PCDH19: variants seen among roughly 807,000 people sequenced by gnomAD.
PCDH19 encodes protocadherin 19.
A neutral mutation model predicts 46.2 loss-of-function variants in PCDH19; 6 were observed. The ratio of observed to expected loss-of-function variants is 0.13; its 90% CI spans 0.07 to 0.26. The LOEUF is 0.26. Among genes scored for constraint, PCDH19 ranks in the 10% least tolerant of loss-of-function variants. The pLI is 1.00. For missense variants in PCDH19, 740 were observed against 972.3 expected (o/e 0.76, Z 3.18); for synonymous variants, 481 against 415.7 (o/e 1.16, Z -1.91).
chrX:100,379,380 T>C (rs1382163244), intron 3 of PCDH19, among the ~76,000 whole-genome samples: 2 of 109,562 alleles, frequency 1.8e-5, no homozygotes, highest in East Asian at 5.9e-4. Flanking sequence ...ACACAACTTC[T>C]TTCCCTTTAT....
chrX:100,351,024 A>G (rs1926555986), intron 3 of PCDH19, among the ~76,000 whole-genome samples: 1 of 112,938 alleles, frequency 8.9e-6, no homozygotes, highest in South Asian at 3.6e-4. Context: ...CCCATTCCCC[A>G]GTGGAGACAA....
chrX:100,304,336 C>T (rs1924874794), intron 5 of PCDH19, among the ~76,000 whole-genome samples: 1 of 111,122 alleles, frequency 9.0e-6, no homozygotes. Flanking sequence ...CACTGCAGTT[C>T]GGCTCTCAGG....
At chrX:100,350,399 T>C (rs1044767668) in intron 4 of PCDH19, among the ~76,000 whole-genome samples, 8 of 111,944 alleles carry the variant, frequency 7.1e-5, no homozygotes, top group Non-Finnish European at 1.5e-4. Context: ...TGTTGAGTGT[T>C]TATACGTACA....
At chrX:100,326,828 T>C (rs764186558) in intron 5 of PCDH19, among the ~76,000 whole-genome samples, 1 of 111,714 alleles carries the variant, frequency 9.0e-6, no homozygotes, top group South Asian at 3.8e-4. Flanking sequence ...TTACTTTCTT[T>C]GGACACCAAT....
At chrX:100,371,181 TA>T (rs1218417531) in intron 3 of PCDH19, among the ~76,000 whole-genome samples, 1 of 111,704 alleles carries the variant, frequency 9.0e-6, no homozygotes, top group Non-Finnish European at 1.9e-5. Flanking sequence ...TGTGGCTTTG[TA>T]ATCATGTCAT....
rs909453682 is a variant in PCDH19 at position 100,305,679 on chromosome X, C to T, written c.2849-8804G>A. Among the ~76,000 whole-genome samples, 14 of 111,638 alleles carry T rather than the reference C, an allele frequency of 1.3e-4. 1 individual carries two copies. Among genetic ancestry groups the T allele is most frequent in the African/African-American group, 3.9e-4 (12 of 30,696 alleles). ...TTTCTGCTGTCTTCAGGAGACTCAA[C>T]TAACACATAGGAACTCACATAAACT... On this transcript the variant is annotated intron_variant, in intron 5 of 5. Transcript: ENST00000373034.
rs761277974 is a variant in PCDH19 at position 100,407,830 on chromosome X, G to C, written c.768C>G (p.Pro256=). The change falls in exon 1 of 6, where the codon CCC becomes CCG. Residue 256 remains proline, a synonymous_variant. Transcript: ENST00000373034. The part of the protein sequence containing the change: ...SVPENSPPNT[P]VIRLNASDPD... Reference sequence around the variant, plus strand: ...GATCGCTGGCGTTGAGGCGGATGACGGGTGTGTTGGGAGGCGAGTTTTCTG... The same window carrying C: ...GATCGCTGGCGTTGAGGCGGATGACCGGTGTGTTGGGAGGCGAGTTTTCTG... The C allele has an allele frequency of 1.6e-6, 2 of 1,212,259 alleles. No homozygotes were observed. The highest frequency in any genetic ancestry group is 1.8e-5 in the South Asian group (1 of 57,037).
intron 5 of PCDH19, among the ~76,000 whole-genome samples, chrX:100,297,988 C>CAT (rs111708930): frequency 1.6e-4 from 18 of 110,014 alleles, no homozygotes; most frequent in Middle Eastern, 4.7e-3. Context: ...ACAGAAAATA[C>CAT]ATATATATAT....
chrX:100,355,550 A>G (rs1337251636), intron 3 of PCDH19, among the ~76,000 whole-genome samples: 2 of 111,738 alleles, frequency 1.8e-5, no homozygotes, highest in Admixed American at 9.5e-5. Context: ...ATACAATTAT[A>G]TTTGTGTCTA....
chrX:100,409,746 G>T lies in PCDH19; in HGVS notation c.-1149C>A, dbSNP rs949379200. Reference sequence around the variant, plus strand: ...GCCGCCGCCGCCGCCGCCGCGGGAGGAAGCCCTCCTAGCTCAGTTGCACGT... The same window carrying T: ...GCCGCCGCCGCCGCCGCCGCGGGAGTAAGCCCTCCTAGCTCAGTTGCACGT... On this transcript the variant is annotated 5_prime_UTR_variant, in exon 1 of 6. Transcript: ENST00000373034. 8.9e-5 allele frequency: 21 copies of T among 235,176 alleles called. No individual in the cohort carries two copies. The highest frequency in any genetic ancestry group is 6.7e-4 in the African/African-American group (21 of 31,378). The allele number at this position is 235,176 out of a possible 1,213,427, so 19.4% of individuals were successfully genotyped here. A position where few individuals can be genotyped will look rare whatever the true frequency, so the allele number is the denominator to read the frequency against.
intron 5 of PCDH19, among the ~76,000 whole-genome samples, chrX:100,335,519 G>T (rs1247553864): frequency 8.9e-6 from 1 of 111,828 alleles, no homozygotes; most frequent in Non-Finnish European, 1.9e-5. Flanking sequence ...TTGAAAATAA[G>T]ATCTTGATTG....
chrX:100,397,968 C>T (rs997202287), intron 3 of PCDH19, among the ~76,000 whole-genome samples: 1 of 105,109 alleles, frequency 9.5e-6, no homozygotes, highest in African/African-American at 3.4e-5. Context: ...CTCCTTTCCT[C>T]TCTCTTCACT....
chrX:100,385,201 A>T (rs954221183), intron 3 of PCDH19, among the ~76,000 whole-genome samples: 2 of 109,369 alleles, frequency 1.8e-5, no homozygotes, highest in Non-Finnish European at 3.8e-5. Flanking sequence ...CCAATAATGC[A>T]TGGGACTGCC....
At chrX:100,401,584 G>A (rs1194659406) in intron 3 of PCDH19, among the ~76,000 whole-genome samples, 1 of 109,985 alleles carries the variant, frequency 9.1e-6, no homozygotes, top group Non-Finnish European at 1.9e-5. Flanking sequence ...GCCGGGAGGT[G>A]GAGGTTGCGG....
chrX:100,333,161 G>GA (rs1569294605), intron 5 of PCDH19, among the ~76,000 whole-genome samples: 14 of 56,414 alleles, frequency 2.5e-4, no homozygotes, highest in South Asian at 1.2e-3. Context: ...AAGGAAGGAA[G>GA]GAAGGAAGGA....
intron 4 of PCDH19, among the ~76,000 whole-genome samples, chrX:100,342,301 A>G (rs748057135): frequency 2.2e-4 from 25 of 112,237 alleles, no homozygotes; most frequent in Non-Finnish European, 4.1e-4. Context: ...TCGTTCACTT[A>G]TCTTCAATGC....
Position 100,407,961 on chromosome X carries a change from C to A in PCDH19, c.637G>T (p.Gly213Cys), listed in dbSNP as rs1416594122. 1.7e-6 allele frequency: 2 copies of A among 1,208,322 alleles called. No homozygotes were observed. The change falls in exon 1 of 6, where the codon GGT becomes TGT. Residue 213 changes from glycine (G) to cysteine (C), a missense_variant. Transcript: ENST00000373034. ...GTGCCCAGGCGCGGCGGGTCGCCAC[C>A]GTCTAGCGCAGTGATTCGGAAGCTG... The part of the protein sequence containing the change: ...HYSFRITALD[G>C]GDPPRLGTVG...
intron 3 of PCDH19, among the ~76,000 whole-genome samples, chrX:100,383,188 G>A (rs907599894): frequency 8.9e-6 from 1 of 111,951 alleles, no homozygotes; most frequent in African/African-American, 3.2e-5. Context: ...TGTGCCAGGT[G>A]CTTGAACACT....
rs183265650 is a variant in PCDH19 at position 100,313,849 on chromosome X, G to T, written c.2849-16974C>A. On this transcript the variant is annotated intron_variant, in intron 5 of 5. Coordinates refer to ENST00000373034, the MANE Select transcript of PCDH19 (RefSeq NM_001184880.2). The stretch of plus-strand genomic sequence containing the variant: ...CCTGCTGGAATTCAAAGAGCCCTCT[G>T]CTGTTAATCACACACACACACACAC... Among the ~76,000 whole-genome samples the T allele has an allele frequency of 2.4e-3, 199 of 83,785 alleles. 1 individual carries two copies. The highest frequency in any genetic ancestry group is 0.013 in the Middle Eastern group (2 of 149). The allele number at this position is 83,785 out of a possible 115,157, so 72.8% of individuals were successfully genotyped here. A position where few individuals can be genotyped will look rare whatever the true frequency, so the allele number is the denominator to read the frequency against.
Sources: gnomAD v4.1 joint callset for allele counts (sites outside exome capture counted in the v4.1 genomes callset) on GRCh38, gnomAD v4.1.1 for gene constraint, MANE v1.5 for transcripts, NCBI Gene and HGNC (gene_info 2026-07-23, HGNC 2026-07-21) for gene names.